Variants in PLCB4 observed in about 807,000 individuals in gnomAD.
PLCB4 encodes 1-phosphatidylinositol 4,5-bisphosphate phosphodiesterase beta-4.
PLCB4 carries 77 observed loss-of-function variants against 178.8 expected under a neutral mutation model. That is an observed-to-expected ratio of 0.43 (90% CI 0.36 to 0.52). The LOEUF (loss-of-function observed/expected upper bound fraction) is 0.52. Ranked by LOEUF, PLCB4 falls within the 20% of genes least tolerant of loss-of-function variation. The pLI is 0.00. For missense variants in PLCB4, 1,024 were observed against 1,453.4 expected, an observed-to-expected ratio of 0.70 and a Z score of 4.80; for synonymous variants, 496 against 490.8, an observed-to-expected ratio of 1.01 and a Z score of -0.14.
At chr20:9,099,645 G>A (rs1052473162) in intron 2 of PLCB4, among the ~76,000 whole-genome samples, 13 of 152,142 alleles carry the variant, frequency 8.5e-5, no homozygotes, top group African/African-American at 3.1e-4. Flanking sequence ...CATGCCACAA[G>A]TAGTACCAAC....
At position 9,423,829 on chromosome 20, in the gene PLCB4, C is replaced by T. The variant is rs765407085; in HGVS notation, c.2401C>T (p.Leu801Phe). The change falls in exon 28 of 40, where the codon CTT becomes TTT. Residue 801 changes from leucine (L) to phenylalanine (F), a missense_variant. By Grantham distance (22) the Leu-to-Phe change is conservative (BLOSUM62 0). Transcript: ENST00000378473. The stretch of plus-strand genomic sequence containing the variant: ...GCTGATTGGCCAGAGGATCCTCCCG[C>T]TTGATGGCCTCCAAGCCGGATATCG... ...NKLIGQRILP[L>F]DGLQAGYRHI... The T allele has an allele frequency of 6.2e-7, 1 of 1,613,970 alleles. No individual in the cohort carries two copies. Among genetic ancestry groups the T allele is most frequent in the Non-Finnish European group, 8.5e-7 (1 of 1,179,900 alleles).
intron 24 of PLCB4, among the ~76,000 whole-genome samples, chr20:9,410,770 G>A (rs932965438): frequency 6.6e-6 from 1 of 152,220 alleles, no homozygotes; most frequent in Middle Eastern, 3.4e-3. Flanking sequence ...ATCAAACAAT[G>A]GTGTGACTCC....
intron 20 of PLCB4, among the ~76,000 whole-genome samples, chr20:9,403,100 G>A (rs1030453276): frequency 6.6e-6 from 1 of 152,140 alleles, no homozygotes; most frequent in Non-Finnish European, 1.5e-5. Context: ...GTGGTGCCTG[G>A]TACATGGTAA....
At chr20:9,319,073 C>G (rs2094931301) in intron 4 of PLCB4, among the ~76,000 whole-genome samples, 1 of 152,120 alleles carries the variant, frequency 6.6e-6, no homozygotes, top group Non-Finnish European at 1.5e-5. Context: ...CTTTGCACAC[C>G]TCTTTGGAAT....
chr20:9,393,496 C>T, intron 17 of PLCB4, 92 bp from the exon 18 acceptor site: 4 of 800,016 alleles, frequency 5.0e-6, no homozygotes, highest in Non-Finnish European at 6.2e-6. Context: ...TGGGTTGCAT[C>T]ACTCCCAGGC....
intron 3 of PLCB4, among the ~76,000 whole-genome samples, chr20:9,284,057 A>T (rs1290778883): frequency 6.6e-6 from 1 of 152,014 alleles, no homozygotes; most frequent in African/African-American, 2.4e-5. Flanking sequence ...AACAAAATAT[A>T]TGTAGTCACT....
chr20:9,237,863 AT>A (rs5840312), intron 3 of PLCB4, among the ~76,000 whole-genome samples: 14,599 of 151,822 alleles, frequency 0.096, 1,208 homozygotes, highest in East Asian at 0.31. Flanking sequence ...CTTTCTTAGT[AT>A]TTTTTATAAG....
chr20:9,435,906 G>A (rs560109201), intron 29 of PLCB4, among the ~76,000 whole-genome samples: 1 of 152,266 alleles, frequency 6.6e-6, no homozygotes, highest in East Asian at 1.9e-4. Context: ...GAAAGAAAAT[G>A]CAAAACATTT....
intron 3 of PLCB4, among the ~76,000 whole-genome samples, chr20:9,275,832 A>G (rs1479783209): frequency 6.6e-6 from 1 of 152,104 alleles, no homozygotes; most frequent in African/African-American, 2.4e-5. Context: ...AAGATGTGCA[A>G]TGATACAATC....
chr20:9,452,306 C>A (rs1015040790), intron 32 of PLCB4, among the ~76,000 whole-genome samples: 1 of 152,112 alleles, frequency 6.6e-6, no homozygotes, highest in African/African-American at 2.4e-5. Flanking sequence ...TAAAGTCAAG[C>A]CTACCTTAGA....
intron 2 of PLCB4, among the ~76,000 whole-genome samples, chr20:9,185,211 T>C (rs537520819): frequency 2.0e-5 from 3 of 152,344 alleles, no homozygotes; most frequent in African/African-American, 7.2e-5. Flanking sequence ...CCTAAGACTT[T>C]GCTTCCTTGT....
At chr20:9,364,300 T>C (rs1403338148) in intron 8 of PLCB4, among the ~76,000 whole-genome samples, 1 of 152,154 alleles carries the variant, frequency 6.6e-6, no homozygotes, top group Non-Finnish European at 1.5e-5. Flanking sequence ...GACACAAATA[T>C]CTCTATCTGA....
chr20:9,419,031 A>G (rs2040445788), intron 25 of PLCB4, among the ~76,000 whole-genome samples: 1 of 151,820 alleles, frequency 6.6e-6, no homozygotes, highest in Non-Finnish European at 1.5e-5. Flanking sequence ...ATAGTGGTGA[A>G]TTTATTTATT....
At chr20:9,412,503 G>A (rs931004550) in intron 25 of PLCB4, among the ~76,000 whole-genome samples, 1 of 152,140 alleles carries the variant, frequency 6.6e-6, no homozygotes, top group African/African-American at 2.4e-5. Flanking sequence ...GAAAAAAAAT[G>A]TCTTTTTTCT....
At position 9,331,910 on chromosome 20, in the gene PLCB4, C is replaced by T. The variant is rs1179310444; in HGVS notation, c.85-5216C>T. Among the ~76,000 whole-genome samples the T allele has an allele frequency of 3.9e-5, 6 of 152,276 alleles. No individual in the cohort carries two copies. The East Asian group carries it at 1.2e-3, about 29-fold the overall frequency. On this transcript the variant is annotated intron_variant, in intron 4 of 39. Coordinates refer to ENST00000378473, the MANE Select transcript of PLCB4 (RefSeq NM_001377142.1). Reference sequence around the variant, plus strand: ...TCCAGCAAAAGTGATTCTAGACTCTCAAACAGAATGCCCTCTGGCCTCTGC... The same window carrying T: ...TCCAGCAAAAGTGATTCTAGACTCTTAAACAGAATGCCCTCTGGCCTCTGC...
chr20:9,311,237 A>T (rs2094829862), intron 4 of PLCB4, among the ~76,000 whole-genome samples: 1 of 152,118 alleles, frequency 6.6e-6, no homozygotes. Flanking sequence ...TTTGATGATG[A>T]CTTATGTCCT....
chr20:9,287,356 T>A (rs1302564818), intron 3 of PLCB4, among the ~76,000 whole-genome samples: 3 of 152,028 alleles, frequency 2.0e-5, no homozygotes. Flanking sequence ...ACTGAATTTC[T>A]CTTAAAATAT....
At chr20:9,432,606 G>A (rs1047462979) in intron 28 of PLCB4, among the ~76,000 whole-genome samples, 1 of 152,194 alleles carries the variant, frequency 6.6e-6, no homozygotes, top group Non-Finnish European at 1.5e-5. Context: ...GCCTCATAAT[G>A]GTGTGGACAA....
At chr20:9,337,968 T>C in intron 5 of PLCB4, 40 bp from the exon 6 acceptor site, 1 of 1,529,002 alleles carries the variant, frequency 6.5e-7, no homozygotes, top group East Asian at 2.3e-5. Flanking sequence ...AGGTATGGCA[T>C]AATTTAAGCT....
Sources: gnomAD v4.1 joint callset for allele counts (sites outside exome capture counted in the v4.1 genomes callset) on GRCh38, gnomAD v4.1.1 for gene constraint, MANE v1.5 for transcripts, NCBI Gene and HGNC (gene_info 2026-07-23, HGNC 2026-07-21) for gene names.